RAPGEF2: variants seen among roughly 807,000 people sequenced by gnomAD.
RAPGEF2 encodes the protein Rap guanine nucleotide exchange factor 2, also known as PDZ domain containing guanine nucleotide exchange factor (GEF) 1.
Under a neutral mutation model 186.7 loss-of-function variants are expected in RAPGEF2, and 54 were observed. That is an observed-to-expected ratio of 0.29 (90% CI 0.23 to 0.36). The LOEUF (loss-of-function observed/expected upper bound fraction) is 0.36. Ranked by LOEUF, RAPGEF2 falls within the 10% of genes least tolerant of loss-of-function variation. The pLI is 1.00. For synonymous variants in RAPGEF2, 712 were observed against 705.9 expected, an observed-to-expected ratio of 1.01 and a Z score of -0.14; for missense variants, 1,532 against 2,045.0, an observed-to-expected ratio of 0.75 and a Z score of 4.84.
At chr4:159,120,588 G>C (rs148956180) in intron 1 of RAPGEF2, among the ~76,000 whole-genome samples, 1 of 152,296 alleles carries the variant, frequency 6.6e-6, no homozygotes, top group East Asian at 1.9e-4. Flanking sequence ...ATGTTTTGTA[G>C]TGGGATCAGT....
At chr4:159,331,335 G>A (rs1340016207) in intron 13 of RAPGEF2, 96 bp from the exon 14 acceptor site, 3 of 658,778 alleles carry the variant, frequency 4.6e-6, no homozygotes, top group Non-Finnish European at 7.7e-6. Flanking sequence ...TTATTATTAG[G>A]TAAATTATTT....
At chr4:159,156,642 A>G (rs543271916) in intron 1 of RAPGEF2, among the ~76,000 whole-genome samples, 10 of 152,092 alleles carry the variant, frequency 6.6e-5, no homozygotes, top group Admixed American at 2.6e-4. Context: ...CCAGCTCCCA[A>G]CCACCCACAT....
chr4:159,174,703 G>A (rs1746273360), intron 1 of RAPGEF2, among the ~76,000 whole-genome samples: 1 of 151,674 alleles, frequency 6.6e-6, no homozygotes. Context: ...AACAGGGAAT[G>A]ACTTGAGTCT....
intron 7 of RAPGEF2, among the ~76,000 whole-genome samples, chr4:159,254,910 CTT>C (rs1228938879): frequency 6.6e-6 from 1 of 152,212 alleles, no homozygotes; most frequent in Non-Finnish European, 1.5e-5. Flanking sequence ...CAGCATGAGA[CTT>C]TAAATAGTCC....
In RAPGEF2 at chr4:159,351,479, C is replaced by T. The variant is rs190170415; in HGVS notation, c.3865+1190C>T. ...AATATGCTGAAAGAACATACTTAAA[C>T]TGGCAACATTTAGATGCTCTAGATT... On this transcript the variant is annotated intron_variant, in intron 26 of 29. Coordinates refer to ENST00000691494, the MANE Select transcript of RAPGEF2 (RefSeq NM_001394067.2). Among the ~76,000 whole-genome samples, 4 of 152,260 alleles carry T rather than the reference C, an allele frequency of 2.6e-5. No individual in the cohort carries two copies. In the East Asian group the frequency reaches 7.7e-4, roughly 29 times the overall value.
At chr4:159,251,187 A>T (rs947196818) in intron 7 of RAPGEF2, among the ~76,000 whole-genome samples, 5 of 152,120 alleles carry the variant, frequency 3.3e-5, no homozygotes, top group African/African-American at 1.2e-4. Flanking sequence ...AGGGCTCGGG[A>T]CCTGCAGCCC....
chr4:159,188,516 T>C lies in RAPGEF2; in HGVS notation c.140+1804T>C, dbSNP rs1401141994. Among the ~76,000 whole-genome samples, 6 of 151,710 alleles carry C rather than the reference T, an allele frequency of 4.0e-5. No individual in the cohort carries two copies. In the East Asian group the frequency reaches 1.2e-3, roughly 29 times the overall value. On this transcript the variant is annotated intron_variant, in intron 2 of 29. Coordinates refer to ENST00000691494, the MANE Select transcript of RAPGEF2 (RefSeq NM_001394067.2). ...CCATCTCTACTAAAAATACAAAAAT[T>C]AGCGGGGCGTGTTGGCAAACGCTTA...
At chr4:159,267,404 T>G in intron 7 of RAPGEF2, 2 of 1,077,926 alleles carry the variant, frequency 1.9e-6, no homozygotes, top group African/African-American at 1.6e-5. Context: ...TGTTAGTGGC[T>G]CTCTTGCTAG....
intron 7 of RAPGEF2, among the ~76,000 whole-genome samples, chr4:159,299,058 A>G (rs1202865529): frequency 6.6e-6 from 1 of 152,194 alleles, no homozygotes; most frequent in Admixed American, 6.5e-5. Context: ...GAGATTAAAA[A>G]CGTGAACATA....
chr4:159,230,620 G>A (rs1029206811), intron 4 of RAPGEF2, among the ~76,000 whole-genome samples: 1 of 152,154 alleles, frequency 6.6e-6, no homozygotes, highest in African/African-American at 2.4e-5. Flanking sequence ...GTCTTTATAG[G>A]TTTGACATTC....
intron 8 of RAPGEF2, among the ~76,000 whole-genome samples, chr4:159,307,278 C>T (rs752038999): frequency 4.6e-5 from 7 of 151,724 alleles, no homozygotes; most frequent in Non-Finnish European, 8.8e-5. Flanking sequence ...TTAAGAATAC[C>T]ATCAATACAA....
chr4:159,295,539 T>G (rs758519029), intron 7 of RAPGEF2, among the ~76,000 whole-genome samples: 15 of 152,160 alleles, frequency 9.9e-5, no homozygotes, highest in Non-Finnish European at 1.8e-4. Context: ...ACCTCCGTGT[T>G]TCTATGGAAA....
At chr4:159,298,121 C>T (rs1762236956) in intron 7 of RAPGEF2, among the ~76,000 whole-genome samples, 1 of 152,178 alleles carries the variant, frequency 6.6e-6, no homozygotes, top group African/African-American at 2.4e-5. Flanking sequence ...AGCATAGTTA[C>T]ATCAACACCT....
intron 12 of RAPGEF2, 35 bp from the exon 13 acceptor site, chr4:159,330,277 GTGTGTGTGTGTGTGTGTGTATA>G: frequency 2.5e-6 from 2 of 811,592 alleles, no homozygotes; most frequent in South Asian, 1.7e-5. Context: ...GTGTGTGTGT[GTGTGTGTGTGTGTGTGTGTATA>G]TATATGTAGT....
chr4:159,238,841 G>A lies in RAPGEF2; in HGVS notation c.314G>A (p.Arg105His). 7 of 1,524,586 alleles carry A rather than the reference G, an allele frequency of 4.6e-6. No homozygotes were observed. The highest frequency in any genetic ancestry group is 2.5e-5 in the East Asian group (1 of 40,416). 94.4% of individuals were successfully genotyped at this position (1,524,586 alleles called of 1,614,324 possible). ...AAGCGTTCTGCAGGAAGTTTTAGGC[G>A]TGGCTGTGAATGCATTGTTTTAGAG... is the stretch of plus-strand genomic sequence containing the variant. ...FGKRSAGSFR[R>H]GCECIVLEPS... The change falls in exon 5 of 30, where the codon CGT becomes CAT. Residue 105 changes from arginine to histidine, a missense_variant. Physicochemically the swap from Arg to His is conservative, Grantham distance 29. This residue lies in a region of RAPGEF2 where 810 missense variants were observed against 1,210.5 expected (regional missense o/e 0.67). Coordinates refer to ENST00000691494, the MANE Select transcript of RAPGEF2 (RefSeq NM_001394067.2).
intron 1 of RAPGEF2, among the ~76,000 whole-genome samples, chr4:159,141,430 G>A (rs1474772631): frequency 2.6e-5 from 4 of 152,062 alleles, no homozygotes; most frequent in East Asian, 1.9e-4. Context: ...CCCGAAGGAT[G>A]AACATTTAGC....
intron 1 of RAPGEF2, among the ~76,000 whole-genome samples, chr4:159,177,442 C>T (rs1001208043): frequency 5.3e-5 from 8 of 152,254 alleles, no homozygotes; most frequent in African/African-American, 7.2e-5. Flanking sequence ...AGCCACACAG[C>T]CTAGTTGCAT....
chr4:159,147,361 C>T (rs1403538517), intron 1 of RAPGEF2, among the ~76,000 whole-genome samples: 1 of 148,902 alleles, frequency 6.7e-6, no homozygotes, highest in African/African-American at 2.5e-5. Flanking sequence ...TGCAGTTTTG[C>T]ACAAAAATAC....
chr4:159,353,463 T>G lies in RAPGEF2; in HGVS notation c.4092-24T>G. 7.1e-7 allele frequency: 1 copy of G among 1,410,164 alleles called. No individual in the cohort carries two copies. The highest frequency in any genetic ancestry group is 9.3e-7 in the Non-Finnish European group (1 of 1,075,498). 87.4% of individuals were successfully genotyped at this position (1,410,164 alleles called of 1,614,324 possible). A position where few individuals can be genotyped will look rare whatever the true frequency, so the allele number is the denominator to read the frequency against. ...GTTATCAATCTTGTTTTTTTTTTCT[T>G]TTCCATTTCTTTTAACCACTTAGGT... On this transcript the variant is annotated intron_variant, in intron 27 of 29. Coordinates refer to ENST00000691494, the MANE Select transcript of RAPGEF2 (RefSeq NM_001394067.2). The surrounding 1 kb of genome is among the most constrained non-coding windows in gnomAD (Gnocchi z 4.3).
Sources: allele counts gnomAD v4.1 joint callset (sites outside exome capture counted in the v4.1 genomes callset), GRCh38; gene constraint gnomAD v4.1.1; regional missense constraint gnomAD v4.1.1; non-coding constraint Gnocchi (gnomAD v3.1); transcripts MANE v1.5; gene names NCBI Gene and HGNC (gene_info 2026-07-23, HGNC 2026-07-21).